IQCM: variants seen among roughly 807,000 people sequenced by gnomAD.
IQCM encodes the protein IQ motif containing M.
A neutral mutation model predicts 57.6 loss-of-function variants in IQCM; 45 were observed. That is an observed-to-expected ratio of 0.78 (90% confidence interval 0.62 to 1.00). IQCM has a LOEUF of 1.00. Among genes scored for constraint, IQCM ranks in the 50% least tolerant of loss-of-function variants. The probability of loss-of-function intolerance (pLI) is 0.00; values close to 1 mark genes in which losing one functional copy is unlikely to be tolerated. For missense variants in IQCM, 468 were observed against 511.6 expected (o/e 0.91, Z 0.82); for synonymous variants, 148 against 158.9 (o/e 0.93, Z 0.51).
At chr4:149,592,856 G>A (rs1579617444) in intron 8 of IQCM, among the ~76,000 whole-genome samples, 1 of 152,258 alleles carries the variant, frequency 6.6e-6, no homozygotes, top group East Asian at 1.9e-4. Flanking sequence ...TTTGGTTACT[G>A]TAGCCTTGTA....
chr4:149,569,689 A>G (rs116579547), intron 9 of IQCM, among the ~76,000 whole-genome samples: 143 of 152,264 alleles, frequency 9.4e-4, no homozygotes, highest in African/African-American at 3.2e-3. Flanking sequence ...AAAAAGACCT[A>G]TGGGTACAGG....
chr4:149,684,590 A>C (rs1168056020), intron 6 of IQCM, among the ~76,000 whole-genome samples: 3 of 151,260 alleles, frequency 2.0e-5, no homozygotes, highest in Non-Finnish European at 4.4e-5. Flanking sequence ...CTCATATCTA[A>C]TTTCCCAACT....
chr4:149,577,131 G>C (rs903901060), intron 9 of IQCM, among the ~76,000 whole-genome samples: 2 of 151,920 alleles, frequency 1.3e-5, no homozygotes, highest in African/African-American at 2.4e-5. Flanking sequence ...CTGGATATTA[G>C]ACCTCTGTCA....
At chr4:149,500,236 G>A (rs569729811) in intron 12 of IQCM, among the ~76,000 whole-genome samples, 118 of 152,258 alleles carry the variant, frequency 7.7e-4, no homozygotes, top group South Asian at 1.2e-3. Flanking sequence ...TCTCTGCAGA[G>A]GAACAATTTA....
rs189497855 is a variant in IQCM, at chr4:149,517,308, C to T, written c.1228+31147G>A. Among the ~76,000 whole-genome samples the T allele has an allele frequency of 2.0e-5, 3 of 152,232 alleles. No homozygotes were observed. In the East Asian group the frequency reaches 5.8e-4, roughly 29 times the overall value. ...AAAAACATGTTTGTGCATGTATACACTTGTACTAAGAAAATATCTTCATTG... is the reference window on the plus strand; with the variant it reads ...AAAAACATGTTTGTGCATGTATACATTTGTACTAAGAAAATATCTTCATTG... On this transcript the variant is annotated intron_variant, in intron 12 of 13. Transcript: ENST00000636793.
At chr4:149,541,113 T>C (rs1232766918) in intron 12 of IQCM, among the ~76,000 whole-genome samples, 1 of 152,158 alleles carries the variant, frequency 6.6e-6, no homozygotes, top group Non-Finnish European at 1.5e-5. Context: ...AATCACTATA[T>C]GTTTCCCATC....
intron 2 of IQCM, 34 bp from the exon 3 acceptor site, chr4:149,742,773 G>T: frequency 2.1e-6 from 2 of 933,570 alleles, no homozygotes; most frequent in Non-Finnish European, 2.8e-6. Flanking sequence ...ATTCAGTGAT[G>T]ATAAATATTT....
At chr4:149,360,741 A>T (rs1299572736) in intron 13 of IQCM, among the ~76,000 whole-genome samples, 1 of 152,156 alleles carries the variant, frequency 6.6e-6, no homozygotes, top group Non-Finnish European at 1.5e-5. Flanking sequence ...GAGGCCTGTA[A>T]ATCCAATTAA....
intron 13 of IQCM, among the ~76,000 whole-genome samples, chr4:149,354,019 C>T (rs779475827): frequency 2.6e-4 from 39 of 152,104 alleles, no homozygotes; most frequent in Non-Finnish European, 5.3e-4. Flanking sequence ...ATATGTATCC[C>T]ATTACATCAT....
intron 13 of IQCM, among the ~76,000 whole-genome samples, chr4:149,379,413 T>A (rs1730924436): frequency 6.6e-6 from 1 of 152,114 alleles, no homozygotes; most frequent in Non-Finnish European, 1.5e-5. Context: ...CACAAAGCCA[T>A]AGAAGTGGAG....
At chr4:149,496,751 C>G (rs1742698160) in intron 12 of IQCM, among the ~76,000 whole-genome samples, 1 of 152,132 alleles carries the variant, frequency 6.6e-6, no homozygotes, top group Admixed American at 6.6e-5. Context: ...CTTGCTATAG[C>G]ATCAATAAGA....
At position 149,399,449 on chromosome 4, in the gene IQCM, T is replaced by A. The variant is rs556614491; in HGVS notation, c.1390+33947A>T. On this transcript the variant is annotated intron_variant, in intron 13 of 13. Transcript: ENST00000636793. ...GGGAGGTTGGGAGGAAGGGAGAGAG[T>A]GAAGAAAAGATAAGAAACAAAACAA... Among the ~76,000 whole-genome samples, 8 of 148,502 alleles carry A rather than the reference T, an allele frequency of 5.4e-5. No homozygotes were observed. The South Asian group carries it at 1.5e-3, about 28-fold the overall frequency.
intron 9 of IQCM, among the ~76,000 whole-genome samples, chr4:149,574,636 C>A (rs781153003): frequency 6.6e-6 from 1 of 151,910 alleles, no homozygotes; most frequent in Non-Finnish European, 1.5e-5. Context: ...GAACATTACA[C>A]CCTGAGCTTG....
intron 7 of IQCM, among the ~76,000 whole-genome samples, chr4:149,645,790 C>A (rs1758582996): frequency 6.6e-6 from 1 of 151,984 alleles, no homozygotes; most frequent in African/African-American, 2.4e-5. Context: ...CACTCCAGAC[C>A]TCCTGCCAAC....
intron 12 of IQCM, among the ~76,000 whole-genome samples, chr4:149,498,120 T>C (rs571224786): frequency 2.0e-4 from 31 of 152,098 alleles, no homozygotes; most frequent in Non-Finnish European, 3.7e-4. Flanking sequence ...ATTAGGAATG[T>C]AAGATAGAAT....
chr4:149,419,474 C>T (rs567480168), intron 13 of IQCM, among the ~76,000 whole-genome samples: 2 of 152,144 alleles, frequency 1.3e-5, no homozygotes, highest in South Asian at 2.1e-4. Flanking sequence ...TTCCTTACAC[C>T]TTATACAAAA....
At chr4:149,761,140 G>T (rs1343713992) in intron 2 of IQCM, among the ~76,000 whole-genome samples, 2 of 152,028 alleles carry the variant, frequency 1.3e-5, no homozygotes, top group African/African-American at 4.8e-5. Context: ...CTAAATAAGT[G>T]TTTAGAGCCA....
At chr4:149,731,359 C>T (rs928126737) in intron 5 of IQCM, among the ~76,000 whole-genome samples, 5 of 152,194 alleles carry the variant, frequency 3.3e-5, no homozygotes, top group Middle Eastern at 3.4e-3. Context: ...ATTCAAGGTG[C>T]CATCTTGGAA....
chr4:149,700,907 C>T (rs765055909), intron 5 of IQCM, among the ~76,000 whole-genome samples: 3 of 151,992 alleles, frequency 2.0e-5, no homozygotes, highest in East Asian at 1.9e-4. Flanking sequence ...ATAAAATCAT[C>T]GGCATCTGTT....
Sources: gnomAD v4.1 joint callset for allele counts (sites outside exome capture counted in the v4.1 genomes callset) on GRCh38, gnomAD v4.1.1 for gene constraint, MANE v1.5 for transcripts, NCBI Gene and HGNC (gene_info 2026-07-23, HGNC 2026-07-21) for gene names.